The following SIPA1L1 variants were observed in gnomAD, a reference collection of about 807,000 sequenced individuals.
SIPA1L1 encodes signal induced proliferation associated 1 like 1, also known as signal-induced proliferation-associated 1-like protein 1.
A neutral mutation model predicts 162.7 loss-of-function variants in SIPA1L1; 26 were observed. That is an observed-to-expected ratio of 0.16 (90% CI 0.12 to 0.22). The LOEUF is 0.22. SIPA1L1 is among the 10% of genes least tolerant of loss of function. The pLI is 1.00. For synonymous variants in SIPA1L1, 829 were observed against 837.4 expected (o/e 0.99, Z 0.17); for missense variants, 1,874 against 2,241.0 (o/e 0.84, Z 3.31).
chr14:71,729,802 G>A (rs117067499), intron 19 of SIPA1L1, among the ~76,000 whole-genome samples: 207 of 152,312 alleles, frequency 1.4e-3, no homozygotes, highest in Non-Finnish European at 2.4e-3. Flanking sequence ...ATCTTGATAG[G>A]TCCACTTAAT....
At chr14:71,675,700 C>G (rs2149427247) in intron 12 of SIPA1L1, among the ~76,000 whole-genome samples, 1 of 152,258 alleles carries the variant, frequency 6.6e-6, no homozygotes, top group South Asian at 2.1e-4. Flanking sequence ...TCAGCTGGGA[C>G]TTCACCACCA....
chr14:71,450,992 G>C (rs962008673), intron 2 of SIPA1L1, among the ~76,000 whole-genome samples: 3 of 152,094 alleles, frequency 2.0e-5, no homozygotes, highest in African/African-American at 7.2e-5. Context: ...CCAAGATATG[G>C]AATCAATCTA....
intron 2 of SIPA1L1, among the ~76,000 whole-genome samples, chr14:71,444,284 A>G (rs1225983195): frequency 6.6e-6 from 1 of 152,054 alleles, no homozygotes; most frequent in Non-Finnish European, 1.5e-5. Flanking sequence ...AGCCCTTCCC[A>G]CCTCTCTGTG....
At chr14:71,566,449 A>G (rs117735565) in intron 4 of SIPA1L1, among the ~76,000 whole-genome samples, 188 of 152,314 alleles carry the variant, frequency 1.2e-3, no homozygotes, top group Non-Finnish European at 2.1e-3. Context: ...TAGCCGAGGA[A>G]GTAGAATTAA....
intron 4 of SIPA1L1, among the ~76,000 whole-genome samples, chr14:71,559,696 T>C (rs1311155825): frequency 6.6e-6 from 1 of 152,238 alleles, no homozygotes; most frequent in African/African-American, 2.4e-5. Flanking sequence ...TAACCTGATC[T>C]ATGGTTGTGA....
chr14:71,719,173 A>G (rs950658982), intron 17 of SIPA1L1, among the ~76,000 whole-genome samples: 1 of 152,082 alleles, frequency 6.6e-6, no homozygotes, highest in Non-Finnish European at 1.5e-5. Flanking sequence ...TCCTGAGCTC[A>G]AGTAATCTGC....
intron 22 of SIPA1L1, 106 bp from the exon 23 acceptor site, chr14:71,738,135 A>AT (rs2085465472): frequency 1.6e-6 from 1 of 609,286 alleles, no homozygotes; most frequent in Non-Finnish European, 2.8e-6. Flanking sequence ...ATTGAAAACC[A>AT]TTTTATAAAT....
chr14:71,484,731 C>G (rs1466125070), intron 2 of SIPA1L1, among the ~76,000 whole-genome samples: 1 of 152,158 alleles, frequency 6.6e-6, no homozygotes, highest in Admixed American at 6.6e-5. Flanking sequence ...CAGTTATTGT[C>G]AGATAGCAGA....
chr14:71,509,608 G>T (rs2050950354), intron 2 of SIPA1L1, among the ~76,000 whole-genome samples: 1 of 152,016 alleles, frequency 6.6e-6, no homozygotes, highest in Admixed American at 6.6e-5. Flanking sequence ...GCTGGGTGTG[G>T]TGGCAGGTGC....
intron 2 of SIPA1L1, among the ~76,000 whole-genome samples, chr14:71,440,818 A>G (rs915742395): frequency 2.0e-5 from 3 of 152,038 alleles, no homozygotes; most frequent in East Asian, 3.9e-4. Flanking sequence ...CTTGTCTAGG[A>G]CTTGGAGTGC....
intron 2 of SIPA1L1, among the ~76,000 whole-genome samples, chr14:71,473,455 T>C (rs1057367865): frequency 6.6e-5 from 10 of 152,234 alleles, no homozygotes; most frequent in African/African-American, 2.2e-4. Flanking sequence ...CATCCCTTTT[T>C]ACACAGCTAG....
At chr14:71,494,885 T>A (rs1595757197) in intron 2 of SIPA1L1, among the ~76,000 whole-genome samples, 1 of 152,122 alleles carries the variant, frequency 6.6e-6, no homozygotes, top group Non-Finnish European at 1.5e-5. Flanking sequence ...GTGATCCACC[T>A]GCCTTGGCCT....
intron 2 of SIPA1L1, among the ~76,000 whole-genome samples, chr14:71,451,647 A>G (rs955807709): frequency 1.4e-4 from 21 of 151,662 alleles, no homozygotes; most frequent in Admixed American, 8.6e-4. Context: ...AAAAAAAAAA[A>G]AAAAAGAAAA....
At chr14:71,603,945 A>G (rs944463677) in intron 5 of SIPA1L1, among the ~76,000 whole-genome samples, 5 of 144,126 alleles carry the variant, frequency 3.5e-5, no homozygotes, top group Non-Finnish European at 7.5e-5. Context: ...ATATATCTAT[A>G]TATATTTATA....
chr14:71,634,117 ACGGCTG>A (rs931052384), intron 7 of SIPA1L1, among the ~76,000 whole-genome samples: 8 of 151,972 alleles, frequency 5.3e-5, no homozygotes, highest in African/African-American at 1.7e-4. Context: ...TAAGGGAAGA[ACGGCTG>A]GGCACGGTGG....
At chr14:71,644,706 A>G (rs2042010439) in intron 7 of SIPA1L1, among the ~76,000 whole-genome samples, 1 of 152,238 alleles carries the variant, frequency 6.6e-6, no homozygotes, top group African/African-American at 2.4e-5. Flanking sequence ...CCTTAGGCTC[A>G]TGGTGATAGG....
At chr14:71,345,263 G>A (rs2036038690) in intron 2 of SIPA1L1, among the ~76,000 whole-genome samples, 2 of 152,284 alleles carry the variant, frequency 1.3e-5, no homozygotes, top group South Asian at 4.1e-4. Flanking sequence ...CTATGTGGAA[G>A]ATATTTGGTT....
At chr14:71,520,457 G>C (rs978013652) in intron 3 of SIPA1L1, among the ~76,000 whole-genome samples, 1 of 152,106 alleles carries the variant, frequency 6.6e-6, no homozygotes, top group African/African-American at 2.4e-5. Context: ...ATCATAAGTG[G>C]ATAGGTCAGT....
chr14:71,738,205 C>T (rs1260392679), intron 22 of SIPA1L1, 36 bp from the exon 23 acceptor site: 3 of 1,224,648 alleles, frequency 2.4e-6, no homozygotes, highest in Admixed American at 2.0e-5. Flanking sequence ...GCCATGGAGG[C>T]CCCTGCCAAC....
Sources: allele counts gnomAD v4.1 joint callset (sites outside exome capture counted in the v4.1 genomes callset), GRCh38; gene constraint gnomAD v4.1.1; transcripts MANE v1.5; gene names NCBI Gene and HGNC (gene_info 2026-07-23, HGNC 2026-07-21).